Variants in EDARADD observed in about 807,000 individuals in gnomAD.
EDARADD encodes EDAR associated via death domain.
Under a neutral mutation model 25.6 loss-of-function variants are expected in EDARADD, and 20 were observed. That is an observed-to-expected ratio of 0.78 (90% confidence interval 0.55 to 1.14). The LOEUF (loss-of-function observed/expected upper bound fraction) is 1.14. EDARADD is among the 50% of genes most tolerant of loss of function. The pLI, the probability that EDARADD is intolerant of heterozygous loss-of-function variation, is 0.00. For synonymous variants in EDARADD, 86 were observed against 94.4 expected (o/e 0.91, Z 0.52); for missense variants, 225 against 270.1 (o/e 0.83, Z 1.17).
intron 3 of EDARADD, among the ~76,000 whole-genome samples, chr1:236,356,025 A>G (rs938323334): frequency 3.3e-5 from 5 of 152,152 alleles, no homozygotes; most frequent in African/African-American, 1.2e-4. Context: ...CAGATAAAAA[A>G]CTCATCAGTG....
At chr1:236,414,146 A>T in intron 2 of EDARADD, 114 bp from the exon 3 acceptor site, 2 of 884,040 alleles carry the variant, frequency 2.3e-6, no homozygotes, top group Admixed American at 1.7e-5. Flanking sequence ...GTTTGAGGTT[A>T]AACATTTTCA....
At chr1:236,349,805 A>G (rs1248611341) in intron 2 of EDARADD, among the ~76,000 whole-genome samples, 1 of 152,146 alleles carries the variant, frequency 6.6e-6, no homozygotes, top group Non-Finnish European at 1.5e-5. Context: ...AAGGAAAAAA[A>G]AAGGGCAGTG....
intron 1 of EDARADD, among the ~76,000 whole-genome samples, chr1:236,403,666 A>C (rs2103004542): frequency 6.6e-6 from 1 of 152,220 alleles, no homozygotes. Context: ...CTCACCACTC[A>C]CGGACTTTTA....
intron 3 of EDARADD, among the ~76,000 whole-genome samples, chr1:236,378,110 C>G (rs887479694): frequency 6.6e-6 from 1 of 152,116 alleles, no homozygotes; most frequent in Non-Finnish European, 1.5e-5. Context: ...CCACCCACCC[C>G]CCTTTAGGTG....
intron 3 of EDARADD, among the ~76,000 whole-genome samples, chr1:236,384,337 G>A (rs549770625): frequency 2.9e-4 from 44 of 152,266 alleles, no homozygotes; most frequent in African/African-American, 9.4e-4. Flanking sequence ...AAAATTTGCC[G>A]ATCGGTTAAC....
At chr1:236,383,114 G>C (rs914000781) in intron 3 of EDARADD, among the ~76,000 whole-genome samples, 4 of 152,074 alleles carry the variant, frequency 2.6e-5, no homozygotes, top group Non-Finnish European at 4.4e-5. Flanking sequence ...CTCAAGGAAG[G>C]CCGGGCGCAG....
intron 1 of EDARADD, among the ~76,000 whole-genome samples, chr1:236,397,057 A>G (rs1279025059): frequency 6.6e-6 from 1 of 152,006 alleles, no homozygotes; most frequent in African/African-American, 2.4e-5. Context: ...GCTCCCCTAA[A>G]TCGACAGTAC....
At chr1:236,452,115 C>CA (rs1326069128) in intron 4 of EDARADD, among the ~76,000 whole-genome samples, 2 of 152,228 alleles carry the variant, frequency 1.3e-5, no homozygotes, top group Non-Finnish European at 2.9e-5. Flanking sequence ...TGAGTACCCA[C>CA]AGTCCACAAG....
chr1:236,380,871 G>A (rs770802715), intron 3 of EDARADD, among the ~76,000 whole-genome samples: 21 of 151,854 alleles, frequency 1.4e-4, no homozygotes, highest in Admixed American at 6.6e-4. Flanking sequence ...CCACAGGTTT[G>A]TGCCATCAGT....
chr1:236,447,177 T>A (rs1290474569), intron 4 of EDARADD, among the ~76,000 whole-genome samples: 1 of 73,948 alleles, frequency 1.4e-5, no homozygotes, highest in Non-Finnish European at 2.4e-5. Flanking sequence ...TCCCTCTTTC[T>A]TTCTTTCTTT....
chr1:236,434,361 C>G (rs1411666653), intron 4 of EDARADD, among the ~76,000 whole-genome samples: 1 of 152,056 alleles, frequency 6.6e-6, no homozygotes, highest in Non-Finnish European at 1.5e-5. Context: ...GCTCGGCCTC[C>G]CTGGTAGCTG....
At chr1:236,469,673 T>C (rs956699039) in intron 5 of EDARADD, among the ~76,000 whole-genome samples, 15 of 152,068 alleles carry the variant, frequency 9.9e-5, no homozygotes, top group African/African-American at 3.6e-4. Flanking sequence ...AACCAGAAGG[T>C]GCAGTGCGTA....
intron 3 of EDARADD, among the ~76,000 whole-genome samples, chr1:236,379,334 C>T (rs1667267212): frequency 6.6e-6 from 1 of 152,028 alleles, no homozygotes; most frequent in Non-Finnish European, 1.5e-5. Flanking sequence ...CATGCCACTG[C>T]ACTCCAGCCT....
chr1:236,360,488 T>C (rs1462987825), intron 3 of EDARADD, among the ~76,000 whole-genome samples: 1 of 151,140 alleles, frequency 6.6e-6, no homozygotes, highest in Non-Finnish European at 1.5e-5. Context: ...ATCTATCAGG[T>C]AAATAGAAGC....
At chr1:236,378,702 C>T (rs777060929) in intron 3 of EDARADD, among the ~76,000 whole-genome samples, 28 of 152,100 alleles carry the variant, frequency 1.8e-4, no homozygotes, top group Non-Finnish European at 3.2e-4. Context: ...ATATATTTTG[C>T]AATCTTCATT....
At chr1:236,429,193 A>AGGGAGCGGGAGC (rs1553267463) in intron 4 of EDARADD, among the ~76,000 whole-genome samples, 1 of 143,600 alleles carries the variant, frequency 7.0e-6, no homozygotes, top group East Asian at 2.0e-4. Context: ...GCAGAGGGAG[A>AGGGAGCGGGAGC]GGGAGCGGGA....
At chr1:236,360,477 G>T (rs1460980345) in intron 3 of EDARADD, among the ~76,000 whole-genome samples, 4 of 151,438 alleles carry the variant, frequency 2.6e-5, no homozygotes, top group Non-Finnish European at 5.9e-5. Context: ...TATCAGACAG[G>T]ATCTATCAGG....
intron 3 of EDARADD, among the ~76,000 whole-genome samples, chr1:236,383,362 TACA>T (rs2102996559): frequency 7.1e-6 from 1 of 141,348 alleles, no homozygotes; most frequent in Admixed American, 7.5e-5. Flanking sequence ...ACCACTGCAC[TACA>T]GCCTGGGCAA....
chr1:236,472,409 C>G (rs930421129), intron 5 of EDARADD, among the ~76,000 whole-genome samples: 1 of 152,124 alleles, frequency 6.6e-6, no homozygotes, highest in Non-Finnish European at 1.5e-5. Context: ...ACTAATTAAT[C>G]GGGATCTCCG....
Sources: gnomAD v4.1 joint callset for allele counts (sites outside exome capture counted in the v4.1 genomes callset) on GRCh38, gnomAD v4.1.1 for gene constraint, MANE v1.5 for transcripts, NCBI Gene and HGNC (gene_info 2026-07-23, HGNC 2026-07-21) for gene names.